BMP5: variants seen among roughly 807,000 people sequenced by gnomAD.
The protein encoded by BMP5 is bone morphogenetic protein 5.
Under a neutral mutation model 46.6 loss-of-function variants are expected in BMP5, and 23 were observed. That is an observed-to-expected ratio of 0.49 (90% CI 0.35 to 0.70). BMP5 has a LOEUF of 0.70. Ranked by LOEUF, BMP5 falls within the 30% of genes least tolerant of loss-of-function variation. The pLI, the probability that BMP5 is intolerant of heterozygous loss-of-function variation, is 0.00. For synonymous variants in BMP5, 204 were observed against 191.9 expected, an observed-to-expected ratio of 1.06 and a Z score of -0.52; for missense variants, 545 against 565.6, an observed-to-expected ratio of 0.96 and a Z score of 0.37.
intron 4 of BMP5, among the ~76,000 whole-genome samples, chr6:55,765,715 C>T (rs955238275): frequency 6.6e-6 from 1 of 152,116 alleles, no homozygotes; most frequent in Non-Finnish European, 1.5e-5. Flanking sequence ...ACACACAAGC[C>T]AGTAATACGT....
chr6:55,853,182 TAAA>T (rs1363620456), intron 1 of BMP5, among the ~76,000 whole-genome samples: 1 of 131,538 alleles, frequency 7.6e-6, no homozygotes, highest in East Asian at 2.5e-4. Flanking sequence ...TAAAATAAAA[TAAA>T]ATAAAATAAA....
chr6:55,868,416 G>T (rs1458504166), intron 1 of BMP5, among the ~76,000 whole-genome samples: 1 of 152,038 alleles, frequency 6.6e-6, no homozygotes, highest in Non-Finnish European at 1.5e-5. Flanking sequence ...AATTATACAA[G>T]GTTTTAGTTT....
chr6:55,789,699 T>C (rs1449760287), intron 3 of BMP5, among the ~76,000 whole-genome samples: 1 of 152,074 alleles, frequency 6.6e-6, no homozygotes, highest in African/African-American at 2.4e-5. Flanking sequence ...TTAACCACCA[T>C]GAGAAAGTGC....
intron 1 of BMP5, among the ~76,000 whole-genome samples, chr6:55,849,793 C>T (rs1055960276): frequency 4.6e-5 from 7 of 152,122 alleles, no homozygotes; most frequent in African/African-American, 1.7e-4. Context: ...TAAACTTTCT[C>T]TATATATTTA....
intron 1 of BMP5, among the ~76,000 whole-genome samples, chr6:55,853,157 TAAAATAA>T (rs1273781876): frequency 3.6e-5 from 1 of 27,752 alleles, no homozygotes; most frequent in Non-Finnish European, 6.7e-5. Context: ...TAAAATAAAA[TAAAATAA>T]AATAAAATAA....
At chr6:55,837,489 C>T (rs899178896) in intron 1 of BMP5, among the ~76,000 whole-genome samples, 1 of 151,902 alleles carries the variant, frequency 6.6e-6, no homozygotes, top group African/African-American at 2.4e-5. Flanking sequence ...TTAAGTACTC[C>T]TTTATTTTTT....
chr6:55,836,768 C>T (rs1289896180), intron 1 of BMP5, among the ~76,000 whole-genome samples: 1 of 152,088 alleles, frequency 6.6e-6, no homozygotes, highest in African/African-American at 2.4e-5. Context: ...TACGTTCACA[C>T]AGCTGTACTT....
chr6:55,854,447 TA>T (rs1007292723), intron 1 of BMP5, among the ~76,000 whole-genome samples: 5 of 152,070 alleles, frequency 3.3e-5, no homozygotes, highest in African/African-American at 1.2e-4. Context: ...TTTTATACTG[TA>T]TTTTTTTCTT....
chr6:55,835,726 T>C (rs1435960270), intron 1 of BMP5, among the ~76,000 whole-genome samples: 1 of 152,208 alleles, frequency 6.6e-6, no homozygotes, highest in Non-Finnish European at 1.5e-5. Flanking sequence ...AAATGCCAAC[T>C]ATAGCCTACA....
intron 2 of BMP5, among the ~76,000 whole-genome samples, chr6:55,797,166 G>A (rs1359064019): frequency 6.6e-6 from 1 of 151,998 alleles, no homozygotes; most frequent in Admixed American, 6.6e-5. Context: ...TTCATAGCAG[G>A]TTCTTAAAAA....
intron 2 of BMP5, among the ~76,000 whole-genome samples, chr6:55,798,349 TA>T (rs1171050263): frequency 6.6e-6 from 1 of 152,218 alleles, no homozygotes; most frequent in Non-Finnish European, 1.5e-5. Flanking sequence ...CGGGTTTTTT[TA>T]AGGTGGGAAT....
intron 1 of BMP5, among the ~76,000 whole-genome samples, chr6:55,861,549 G>A (rs1043414210): frequency 2.6e-5 from 4 of 152,158 alleles, no homozygotes; most frequent in African/African-American, 9.7e-5. Context: ...TAGATTGTAT[G>A]TCACAAATGT....
chr6:55,851,286 A>T (rs1349941754), intron 1 of BMP5, among the ~76,000 whole-genome samples: 1 of 152,124 alleles, frequency 6.6e-6, no homozygotes, highest in African/African-American at 2.4e-5. Context: ...TTAAAACAGA[A>T]AACAGAGCTT....
chr6:55,798,781 T>C (rs896325189), intron 2 of BMP5, among the ~76,000 whole-genome samples: 1 of 152,202 alleles, frequency 6.6e-6, no homozygotes, highest in East Asian at 1.9e-4. Flanking sequence ...AGTTTAAACA[T>C]GTCTAGTTAT....
At chr6:55,835,349 G>A (rs535110164) in intron 1 of BMP5, among the ~76,000 whole-genome samples, 3 of 152,208 alleles carry the variant, frequency 2.0e-5, no homozygotes, top group Middle Eastern at 3.4e-3. Context: ...CATGGGTGGG[G>A]CAAAACTTCC....
chr6:55,829,099 C>G (rs1776598400), intron 1 of BMP5, among the ~76,000 whole-genome samples: 2 of 151,790 alleles, frequency 1.3e-5, no homozygotes, highest in African/African-American at 4.8e-5. Flanking sequence ...TACATATACA[C>G]TCTAAAATTA....
chr6:55,835,069 A>G (rs1057268023), intron 1 of BMP5, among the ~76,000 whole-genome samples: 1 of 151,528 alleles, frequency 6.6e-6, no homozygotes, highest in African/African-American at 2.4e-5. Context: ...CTGAGCAACA[A>G]GAGTGAAACT....
rs796641932 is a variant in BMP5 at position 55,759,174 on chromosome 6, A to C, written c.1105-59T>G. Reference sequence around the variant, plus strand: ...AAAAAAAAAAAAAAAAAAAAAAAAAAAAAAAAAAACAACAAGAAAAAATAT... The same window carrying C: ...AAAAAAAAAAAAAAAAAAAAAAAAACAAAAAAAAACAACAAGAAAAAATAT... On this transcript the variant is annotated intron_variant, in intron 5 of 6. Transcript: ENST00000370830. 455 of 857,846 alleles carry C rather than the reference A, an allele frequency of 5.3e-4. 7 individuals are homozygous for C. In the African/African-American group the frequency reaches 7.8e-3, roughly 15 times the overall value. 53.1% of individuals were successfully genotyped at this position (857,846 alleles called of 1,614,324 possible).
At chr6:55,838,106 T>C (rs1442649318) in intron 1 of BMP5, among the ~76,000 whole-genome samples, 1 of 152,232 alleles carries the variant, frequency 6.6e-6, no homozygotes, top group Non-Finnish European at 1.5e-5. Flanking sequence ...TTGTAAACAG[T>C]GCTTTAGCAA....
Sources: allele counts gnomAD v4.1 joint callset (sites outside exome capture counted in the v4.1 genomes callset), GRCh38; gene constraint gnomAD v4.1.1; transcripts MANE v1.5; gene names NCBI Gene and HGNC (gene_info 2026-07-23, HGNC 2026-07-21).